The following GDAP1 variants were observed in gnomAD, a reference collection of about 807,000 sequenced individuals.
GDAP1 encodes the protein ganglioside-induced differentiation-associated protein 1.
In GDAP1, 34 loss-of-function variants were observed where a neutral mutation model predicts 40.1. The ratio of observed to expected loss-of-function variants is 0.85; its 90% CI spans 0.64 to 1.13. The LOEUF (loss-of-function observed/expected upper bound fraction) is 1.13. Among genes scored for constraint, GDAP1 ranks in the 50% most tolerant of loss-of-function variants. The pLI, the probability that GDAP1 is intolerant of heterozygous loss-of-function variation, is 0.00. For synonymous variants in GDAP1, 170 were observed against 157.4 expected (o/e 1.08, Z -0.60); for missense variants, 374 against 433.7 (o/e 0.86, Z 1.22).
chr8:74,424,214 A>G (rs917805373), intron 2 of GDAP1, among the ~76,000 whole-genome samples: 15 of 152,146 alleles, frequency 9.9e-5, no homozygotes, highest in African/African-American at 3.6e-4. Context: ...AATAATTGTT[A>G]TACTGTATTG....
rs1280577110 is a variant in GDAP1, at chr8:74,361,888, A to G, written c.489A>G (p.Gln163=). 4 of 1,577,452 alleles carry G rather than the reference A, an allele frequency of 2.5e-6. No individual in the cohort carries two copies. Among genetic ancestry groups the G allele is most frequent in the East Asian group, 2.2e-5 (1 of 44,684 alleles). Residue 163 remains glutamine, a synonymous_variant, in exon 4 of 6, where the codon CAA becomes CAG. Coordinates refer to ENST00000220822, the MANE Select transcript of GDAP1 (RefSeq NM_018972.4). ...CCAAAATGTTTTTATTATCAGGCCA[A>G]ATTGGAAACACAGAGTCTGAGCTGA... The part of the protein sequence containing the change: ...PAYATTRIRS[Q]IGNTESELKK...
Position 74,480,246 on chromosome 8 carries a change from C to T in GDAP1, c.166-8432C>T, listed in dbSNP as rs188642428. 7.2e-5 allele frequency among the ~76,000 whole-genome samples: 11 copies of T among 152,126 alleles called. No homozygotes were observed. The East Asian group carries it at 1.7e-3, about 24-fold the overall frequency. On this transcript the variant is annotated intron_variant, in intron 2 of 2. Transcript: ENST00000523640. The stretch of plus-strand genomic sequence containing the variant: ...CTCAAGATCACCCGCCTCGGCCTCC[C>T]AAAGTGCTGAGATTACAAGTGTGAG...
At chr8:74,387,584 A>G (rs1440439521) in intron 2 of GDAP1, among the ~76,000 whole-genome samples, 1 of 152,212 alleles carries the variant, frequency 6.6e-6, no homozygotes, top group African/African-American at 2.4e-5. Context: ...TTGGTTTGCC[A>G]GTATTTTATT....
chr8:74,400,396 G>A (rs942112688), intron 2 of GDAP1, among the ~76,000 whole-genome samples: 15 of 148,130 alleles, frequency 1.0e-4, no homozygotes, highest in African/African-American at 2.3e-4. Context: ...TTTGTTTTCC[G>A]TTTGCTTGGT....
At position 74,479,986 on chromosome 8, in the gene GDAP1, C is replaced by CT. The variant is rs71271807; in HGVS notation, c.166-8672dup. Among the ~76,000 whole-genome samples, 591 of 102,888 alleles carry CT rather than the reference C, an allele frequency of 5.7e-3. 2 individuals are homozygous for CT. Among genetic ancestry groups the CT allele is most frequent in the African/African-American group, 0.013 (301 of 23,582 alleles). The allele number at this position is 102,888 out of a possible 152,430, so 67.5% of individuals were successfully genotyped here. On this transcript the variant is annotated intron_variant, in intron 2 of 2. Coordinates refer to the GDAP1 transcript ENST00000523640. The stretch of plus-strand genomic sequence containing the variant: ...CTGAGTGAGTGAAGAAATGGACTCT[C>CT]TTTTTTTTTTTTTTTTTTTTGAGAT...
intron 2 of GDAP1, among the ~76,000 whole-genome samples, chr8:74,405,821 A>G (rs567479645): frequency 6.7e-6 from 1 of 149,822 alleles, no homozygotes; most frequent in Non-Finnish European, 1.5e-5. Flanking sequence ...CAGGGCAAAA[A>G]TCTGTCCAAA....
intron 2 of GDAP1, among the ~76,000 whole-genome samples, chr8:74,437,711 A>T (rs1806110207): frequency 6.7e-6 from 1 of 148,208 alleles, no homozygotes. Context: ...TAGAGATTAA[A>T]TCATATTATA....
At chr8:74,387,715 T>C (rs1393507925) in intron 2 of GDAP1, among the ~76,000 whole-genome samples, 1 of 152,076 alleles carries the variant, frequency 6.6e-6, no homozygotes, top group African/African-American at 2.4e-5. Flanking sequence ...TAGGGAGGAG[T>C]CCCTCTTTTT....
chr8:74,350,655 A>C, intron 1 of GDAP1, 77 bp downstream of exon 1: 2 of 966,198 alleles, frequency 2.1e-6, no homozygotes, highest in Admixed American at 3.4e-5. Flanking sequence ...AGTCCCGCCC[A>C]GGGAAGCCGG....
At chr8:74,359,935 T>C (rs1337413546) in intron 2 of GDAP1, among the ~76,000 whole-genome samples, 6 of 152,302 alleles carry the variant, frequency 3.9e-5, no homozygotes, top group East Asian at 3.9e-4. Flanking sequence ...AGAATACCAA[T>C]GTGATTATGG....
At chr8:74,428,633 ATTTTTTTT>A (rs1195348725) in intron 2 of GDAP1, among the ~76,000 whole-genome samples, 10 of 42,848 alleles carry the variant, frequency 2.3e-4, no homozygotes, top group Admixed American at 5.1e-4. Context: ...CACCCGGCTA[ATTTTTTTT>A]TTTTTTTTTT....
chr8:74,486,345 G>T (rs1806776217), intron 2 of GDAP1, among the ~76,000 whole-genome samples: 1 of 152,100 alleles, frequency 6.6e-6, no homozygotes, highest in South Asian at 2.1e-4. Context: ...ACTCTATTTT[G>T]CTGCCTTTGC....
At chr8:74,458,390 A>C (rs1275646311) in intron 2 of GDAP1, among the ~76,000 whole-genome samples, 1 of 152,180 alleles carries the variant, frequency 6.6e-6, no homozygotes, top group East Asian at 1.9e-4. Flanking sequence ...CACATGTGAA[A>C]TGAAGACAAT....
chr8:74,422,061 A>G lies in GDAP1; in HGVS notation c.166-66617A>G, dbSNP rs117574664. The stretch of plus-strand genomic sequence containing the variant: ...TTAAGGAGACAGGTTAAAAAATGAT[A>G]TATTTAAGCATATAGGCAATGGTAG... On this transcript the variant is annotated intron_variant, in intron 2 of 2. Transcript: ENST00000523640. 3.9e-3 allele frequency among the ~76,000 whole-genome samples: 588 copies of G among 152,268 alleles called. 14 individuals are homozygous for G. Among genetic ancestry groups the G allele is most frequent in the East Asian group, 0.033 (169 of 5,160 alleles).
At chr8:74,357,868 G>A (rs767811329) in intron 2 of GDAP1, among the ~76,000 whole-genome samples, 2 of 152,098 alleles carry the variant, frequency 1.3e-5, no homozygotes, top group Admixed American at 6.6e-5. Flanking sequence ...GGTACTCTAC[G>A]GAAGAACTGG....
intron 2 of GDAP1, among the ~76,000 whole-genome samples, chr8:74,474,789 A>G (rs1297633857): frequency 6.6e-6 from 1 of 152,178 alleles, no homozygotes; most frequent in Non-Finnish European, 1.5e-5. Context: ...CTTTTGTAGC[A>G]GAATGATGAT....
intron 2 of GDAP1, among the ~76,000 whole-genome samples, chr8:74,385,261 G>A (rs1356169868): frequency 6.6e-6 from 1 of 152,008 alleles, no homozygotes; most frequent in African/African-American, 2.4e-5. Flanking sequence ...AAGTGCCATG[G>A]TGGTTTGCTG....
chr8:74,387,918 A>G (rs1178384076), intron 2 of GDAP1, among the ~76,000 whole-genome samples: 1 of 151,620 alleles, frequency 6.6e-6, no homozygotes, highest in African/African-American at 2.4e-5. Context: ...GGGAGGGTGT[A>G]TGTGTCAAGG....
In GDAP1 at chr8:74,366,311, A is replaced by G. The variant is rs1398415990; in HGVS notation, c.*1944A>G. ...ATGTCGCTGTTTATCCAGTAGACTA[A>G]GATTGAGTGTTCTTTTTGTTCAGCA... On this transcript the variant is annotated 3_prime_UTR_variant, in exon 6 of 6. Coordinates refer to ENST00000220822, the MANE Select transcript of GDAP1 (RefSeq NM_018972.4). The G allele has an allele frequency of 2.2e-6, 1 of 454,486 alleles. No individual in the cohort carries two copies. Among genetic ancestry groups the G allele is most frequent in the South Asian group, 1.6e-5 (1 of 64,470 alleles). The allele number at this position is 454,486 out of a possible 1,614,324, so 28.2% of individuals were successfully genotyped here. A position where few individuals can be genotyped will look rare whatever the true frequency, so the allele number is the denominator to read the frequency against.
Sources: gnomAD v4.1 joint callset for allele counts (sites outside exome capture counted in the v4.1 genomes callset) on GRCh38, gnomAD v4.1.1 for gene constraint, MANE v1.5 for transcripts, NCBI Gene and HGNC (gene_info 2026-07-23, HGNC 2026-07-21) for gene names.